Variants in HTATIP2 observed in about 807,000 individuals in gnomAD.
HTATIP2 encodes HIV-1 Tat interactive protein 2, also known as protein HTATIP2.
In HTATIP2, 26 loss-of-function variants were observed where a neutral mutation model predicts 24.7. The observed-to-expected ratio is 1.05, with a 90% CI of 0.77 to 1.46. The LOEUF (loss-of-function observed/expected upper bound fraction) is 1.46. Among genes scored for constraint, HTATIP2 ranks in the 40% most tolerant of loss-of-function variants. The pLI is 0.00. For synonymous variants in HTATIP2, 99 were observed against 113.2 expected (o/e 0.87, Z 0.79); for missense variants, 284 against 289.6 (o/e 0.98, Z 0.14).
intron 2 of HTATIP2, chr11:20,367,566 AG>A: frequency 7.1e-7 from 1 of 1,402,132 alleles, no homozygotes; most frequent in Non-Finnish European, 9.2e-7. Context: ...CCCCTGACTA[AG>A]GGAAACCATG....
In HTATIP2 at chr11:20,383,474, G is replaced by A. The variant is rs2133282535; in HGVS notation, c.*269G>A. 1 of 422,140 alleles carries A rather than the reference G, an allele frequency of 2.4e-6. No individual in the cohort carries two copies. The allele number at this position is 422,140 out of a possible 1,614,324, so 26.1% of individuals were successfully genotyped here. On this transcript the variant is annotated 3_prime_UTR_variant, in exon 5 of 5. Coordinates refer to ENST00000451739, the MANE Select transcript of HTATIP2 (RefSeq NM_001098522.2). ...TTCTGGGGTGTGGGCACAATAATCT[G>A]TAATTTTCTTTGTTTATACTTCCCC...
intron 3 of HTATIP2, among the ~76,000 whole-genome samples, chr11:20,380,182 T>C (rs1426580379): frequency 6.6e-6 from 1 of 152,150 alleles, no homozygotes; most frequent in Non-Finnish European, 1.5e-5. Context: ...TAAACCACAT[T>C]GTTTGTACAG....
At chr11:20,366,498 C>T (rs1248275898) in intron 1 of HTATIP2, among the ~76,000 whole-genome samples, 2 of 152,076 alleles carry the variant, frequency 1.3e-5, no homozygotes, top group African/African-American at 4.8e-5. Context: ...AGGAATTTAT[C>T]ATGCTTTCTT....
At chr11:20,380,194 C>T (rs537588867) in intron 3 of HTATIP2, among the ~76,000 whole-genome samples, 1 of 152,304 alleles carries the variant, frequency 6.6e-6, no homozygotes, top group South Asian at 2.1e-4. Flanking sequence ...TTTGTACAGA[C>T]AGTTTAGGCA....
intron 4 of HTATIP2, among the ~76,000 whole-genome samples, chr11:20,382,599 T>C (rs1050389142): frequency 2.0e-5 from 3 of 152,192 alleles, no homozygotes; most frequent in African/African-American, 2.4e-5. Flanking sequence ...GTCTGGAGAT[T>C]GGAAGTCCAA....
At chr11:20,364,500 A>G in intron 1 of HTATIP2, 68 bp downstream of exon 1, 1 of 1,362,256 alleles carries the variant, frequency 7.3e-7, no homozygotes, top group Middle Eastern at 2.1e-4. Context: ...TTCATGCCTA[A>G]AGGCTGAATA....
intron 3 of HTATIP2, among the ~76,000 whole-genome samples, chr11:20,377,142 T>TTG (rs1848459208): frequency 1.3e-5 from 2 of 151,514 alleles, no homozygotes; most frequent in Non-Finnish European, 2.9e-5. Context: ...TTTTTTTTTT[T>TTG]TGAGACAGGT....
intron 4 of HTATIP2, among the ~76,000 whole-genome samples, chr11:20,382,637 C>T (rs753939238): frequency 6.6e-5 from 10 of 152,094 alleles, no homozygotes; most frequent in East Asian, 1.9e-4. Context: ...GGTTGGTGTC[C>T]GGTGAGGCCT....
chr11:20,371,577 A>G (rs1274330463), intron 2 of HTATIP2, among the ~76,000 whole-genome samples: 1 of 151,766 alleles, frequency 6.6e-6, no homozygotes, highest in African/African-American at 2.4e-5. Context: ...GACCACAGGC[A>G]TGCGCCACCA....
chr11:20,374,641 C>T (rs1232739978), intron 2 of HTATIP2, among the ~76,000 whole-genome samples: 2 of 152,168 alleles, frequency 1.3e-5, no homozygotes, highest in African/African-American at 4.8e-5. Flanking sequence ...ACATTGGGCC[C>T]ACATGGATAA....
chr11:20,366,103 T>C (rs997397639), intron 1 of HTATIP2, among the ~76,000 whole-genome samples: 6 of 128,734 alleles, frequency 4.7e-5, no homozygotes, highest in African/African-American at 1.7e-4. Context: ...TCTTTTCTTT[T>C]TTTTTTTTTT....
At chr11:20,376,846 G>T (rs780097772) in intron 3 of HTATIP2, 129 bp downstream of exon 3, 4 of 602,618 alleles carry the variant, frequency 6.6e-6, no homozygotes, top group Non-Finnish European at 1.1e-5. Context: ...TATGGCTACG[G>T]GACTGCAGGA....
At position 20,376,667 on chromosome 11, in the gene HTATIP2, TC is replaced by T. The variant is rs1415201063; in HGVS notation, c.393del (p.Ser132LeufsTer19). 6.2e-7 allele frequency: 1 copy of T among 1,613,752 alleles called. No homozygotes were observed. Among genetic ancestry groups the T allele is most frequent in the Non-Finnish European group, 8.5e-7 (1 of 1,179,800 alleles). ...AGGGTGCAAACATTTCAACTTGCTA[TC>T]CTCTAAAGGAGCTGATAAATCAAGC... ...AGGCKHFNLL[S>X]SKGADKSSNF... On this transcript the variant is annotated frameshift_variant, in exon 3 of 5. Transcript: ENST00000451739. LOFTEE classifies it high-confidence loss of function.
In HTATIP2 at chr11:20,367,531, A is replaced by G. The variant is rs1034148116; in HGVS notation, c.303+250A>G. On this transcript the variant is annotated intron_variant, in intron 2 of 4. Transcript: ENST00000451739. Reference sequence around the variant, plus strand: ...CGTAAATATTTACATGATTTTGCCTATTGTGATTATCGCTATCACTACATC... The same window carrying G: ...CGTAAATATTTACATGATTTTGCCTGTTGTGATTATCGCTATCACTACATC... 6 of 1,431,756 alleles carry G rather than the reference A, an allele frequency of 4.2e-6. No individual in the cohort carries two copies. In the African/African-American group the frequency reaches 5.7e-5, roughly 14 times the overall value. 88.7% of individuals were successfully genotyped at this position (1,431,756 alleles called of 1,614,324 possible).
intron 1 of HTATIP2, among the ~76,000 whole-genome samples, chr11:20,364,856 T>C (rs2064678252): frequency 1.3e-5 from 2 of 152,248 alleles, no homozygotes. Flanking sequence ...ATTCTGAAAC[T>C]GCTTTGCAGA....
At position 20,363,891 on chromosome 11, in the gene HTATIP2, C is replaced by T. The variant is rs947337584; in HGVS notation, c.-347C>T. The T allele has an allele frequency of 5.6e-6, 7 of 1,242,978 alleles. No homozygotes were observed. The African/African-American group carries it at 6.2e-5, about 11-fold the overall frequency. The allele number at this position is 1,242,978 out of a possible 1,614,324, so 77.0% of individuals were successfully genotyped here. The stretch of plus-strand genomic sequence containing the variant: ...CTGCTCCTGCTGCGTCGTGAGGACC[C>T]GGGGCCGGGGGCTGGCCCCAGGTAA... On this transcript the variant is annotated 5_prime_UTR_variant, in exon 1 of 5. Coordinates refer to ENST00000451739, the MANE Select transcript of HTATIP2 (RefSeq NM_001098522.2).
Position 20,367,299 on chromosome 11 carries a change from T to A in HTATIP2, c.303+18T>A, listed in dbSNP as rs368702125. 6.2e-7 allele frequency: 1 copy of A among 1,613,620 alleles called. No homozygotes were observed. Among genetic ancestry groups the A allele is most frequent in the Non-Finnish European group, 8.5e-7 (1 of 1,179,984 alleles). On this transcript the variant is annotated intron_variant, in intron 2 of 4. Coordinates refer to ENST00000451739, the MANE Select transcript of HTATIP2 (RefSeq NM_001098522.2). ...CTGGGGCGGTAAGGAAGGCATATGC[T>A]CTTTTCCCTTTTTGCTGGCCAGTAA...
chr11:20,367,076 G>C (rs1483045685), intron 1 of HTATIP2, 98 bp from the exon 2 acceptor site: 1 of 1,387,022 alleles, frequency 7.2e-7, no homozygotes, highest in African/African-American at 1.4e-5. Flanking sequence ...GGACAGGCCT[G>C]TCAGTAATGT....
chr11:20,373,400 A>G (rs2064792396), intron 2 of HTATIP2, among the ~76,000 whole-genome samples: 1 of 152,144 alleles, frequency 6.6e-6, no homozygotes, highest in South Asian at 2.1e-4. Flanking sequence ...TATTAAGGAG[A>G]GGTTGATCCA....
Sources: allele counts gnomAD v4.1 joint callset (sites outside exome capture counted in the v4.1 genomes callset), GRCh38; gene constraint gnomAD v4.1.1; transcripts MANE v1.5; gene names NCBI Gene and HGNC (gene_info 2026-07-23, HGNC 2026-07-21).